CALD1: variants seen among roughly 807,000 people sequenced by gnomAD.
CALD1 encodes the protein caldesmon 1.
A neutral mutation model predicts 99.9 loss-of-function variants in CALD1; 33 were observed. The ratio of observed to expected loss-of-function variants is 0.33; its 90% CI spans 0.25 to 0.44. The LOEUF (loss-of-function observed/expected upper bound fraction) is 0.44. CALD1 is among the 20% of genes least tolerant of loss of function. The probability of loss-of-function intolerance (pLI) is 1.00; values close to 1 mark genes in which losing one functional copy is unlikely to be tolerated. For synonymous variants in CALD1, 310 were observed against 325.0 expected (o/e 0.95, Z 0.50); for missense variants, 861 against 962.1 (o/e 0.89, Z 1.39).
the CALD1 span, among the ~76,000 whole-genome samples, chr7:134,738,695 T>C: frequency 6.6e-6 from 1 of 152,210 alleles, no homozygotes; most frequent in African/African-American, 2.4e-5. Flanking sequence ...TCGCGGCATG[T>C]CAAGATAATT....
At chr7:134,727,705 T>C in the CALD1 span, among the ~76,000 whole-genome samples, 6 of 152,216 alleles carry the variant, frequency 3.9e-5, no homozygotes, top group South Asian at 2.1e-4. Context: ...GTGAATCTCA[T>C]TGGGTTTTTT....
Position 134,943,486 on chromosome 7 carries a change from G to A in CALD1, c.1532+2249G>A, listed in dbSNP as rs973037642. Among the ~76,000 whole-genome samples the A allele has an allele frequency of 1.3e-4, 20 of 152,092 alleles. No individual in the cohort carries two copies. In the East Asian group the frequency reaches 1.7e-3, roughly 13 times the overall value. On this transcript the variant is annotated intron_variant, in intron 7 of 14. Coordinates refer to ENST00000361675, the MANE Select transcript of CALD1 (RefSeq NM_033138.4). ...TGATATCTGCATTTTCTTGTAACTCGTTTTCTCTAAAACATGACATAAAAA... is the reference window on the plus strand; with the variant it reads ...TGATATCTGCATTTTCTTGTAACTCATTTTCTCTAAAACATGACATAAAAA...
rs554791525 is a variant in CALD1, at chr7:134,929,724, TATTTTTGCAATTG to T, written c.218+825_218+837del. Among the ~76,000 whole-genome samples, 924 of 135,544 alleles carry T rather than the reference TATTTTTGCAATTG, an allele frequency of 6.8e-3. 9 individuals are homozygous for T. The highest frequency in any genetic ancestry group is 0.024 in the African/African-American group (871 of 36,234). The allele number at this position is 135,544 out of a possible 152,430, so 88.9% of individuals were successfully genotyped here. A position where few individuals can be genotyped will look rare whatever the true frequency, so the allele number is the denominator to read the frequency against. The stretch of plus-strand genomic sequence containing the variant: ...TTGATGGGCATTTAAGCTGCTTCCA[TATTTTTGCAATTG>T]CAAATTGTGCTTCTATAAACATGCG... On this transcript the variant is annotated intron_variant, in intron 4 of 14. Coordinates refer to ENST00000361675, the MANE Select transcript of CALD1 (RefSeq NM_033138.4).
chr7:134,905,274 G>A (rs559665349), intron 3 of CALD1, among the ~76,000 whole-genome samples: 1 of 152,172 alleles, frequency 6.6e-6, no homozygotes, highest in South Asian at 2.1e-4. Context: ...TAAAAATGGT[G>A]AACATTCATA....
intron 6 of CALD1, among the ~76,000 whole-genome samples, chr7:134,939,625 A>C (rs1489801880): frequency 6.6e-6 from 1 of 152,198 alleles, no homozygotes; most frequent in Admixed American, 6.5e-5. Flanking sequence ...AAATGACTTA[A>C]AACTTATCAA....
chr7:134,811,129 A>G (rs1403853209), intron 1 of CALD1, among the ~76,000 whole-genome samples: 3 of 152,212 alleles, frequency 2.0e-5, no homozygotes, highest in Admixed American at 6.5e-5. Context: ...CTTCATTAAA[A>G]GGCAAGAACA....
intron 3 of CALD1, chr7:134,891,694 T>G: frequency 1.3e-6 from 2 of 1,502,938 alleles, no homozygotes; most frequent in Non-Finnish European, 1.8e-6. Context: ...ATTTCGTCTC[T>G]TTGGTTTTTT....
chr7:134,851,903 A>T (rs1800098162), intron 2 of CALD1, among the ~76,000 whole-genome samples: 1 of 152,202 alleles, frequency 6.6e-6, no homozygotes, highest in Admixed American at 6.5e-5. Context: ...AGCACAAAGG[A>T]TCACAGCTGT....
chr7:134,759,752 A>C (rs1386890128), intron 1 of CALD1, among the ~76,000 whole-genome samples: 2 of 152,246 alleles, frequency 1.3e-5, no homozygotes, highest in Non-Finnish European at 2.9e-5. Context: ...GCTGGGGATA[A>C]AGCAACAAAT....
At chr7:134,767,697 C>G (rs936692619) in intron 1 of CALD1, among the ~76,000 whole-genome samples, 1 of 152,224 alleles carries the variant, frequency 6.6e-6, no homozygotes, top group African/African-American at 2.4e-5. Flanking sequence ...TAAGCACGTG[C>G]AGACGTGCAG....
At chr7:134,858,673 G>T (rs1157983416) in intron 2 of CALD1, among the ~76,000 whole-genome samples, 1 of 151,944 alleles carries the variant, frequency 6.6e-6, no homozygotes, top group Non-Finnish European at 1.5e-5. Context: ...AGGTTCAAGC[G>T]ATTCTCCTGC....
intron 8 of CALD1, among the ~76,000 whole-genome samples, chr7:134,949,591 C>G (rs1041146169): frequency 6.6e-6 from 1 of 152,150 alleles, no homozygotes; most frequent in Non-Finnish European, 1.5e-5. Flanking sequence ...ATAAAATCAC[C>G]TCTTGTACCA....
At chr7:134,819,221 C>A (rs1798675746) in intron 1 of CALD1, among the ~76,000 whole-genome samples, 1 of 152,154 alleles carries the variant, frequency 6.6e-6, no homozygotes. Flanking sequence ...GAAGCATTCT[C>A]CACTCTATTC....
chr7:134,947,757 A>G lies in CALD1; in HGVS notation c.1782A>G (p.Lys594=), dbSNP rs1807014223. 6.2e-7 allele frequency: 1 copy of G among 1,613,730 alleles called. No individual in the cohort carries two copies. Among genetic ancestry groups the G allele is most frequent in the Non-Finnish European group, 8.5e-7 (1 of 1,179,870 alleles). Residue 594 remains lysine (K), a synonymous_variant, in exon 8 of 15, where the codon AAA becomes AAG. Coordinates refer to ENST00000361675, the MANE Select transcript of CALD1 (RefSeq NM_033138.4). ...QRRKQEEADR[K]LREEEEKRRL... is the part of the protein sequence containing the mutation. The stretch of plus-strand genomic sequence containing the variant: ...GGAAGCAGGAGGAAGCCGATCGAAA[A>G]CTCAGAGAGGAGGTAAGGCGGGCGC...
chr7:134,773,905 T>G (rs1796897132), intron 1 of CALD1, among the ~76,000 whole-genome samples: 1 of 151,976 alleles, frequency 6.6e-6, no homozygotes, highest in Non-Finnish European at 1.5e-5. Context: ...GTGAGGTGGC[T>G]CACGCCTGTA....
At chr7:134,871,828 G>A (rs879822070) in intron 3 of CALD1, among the ~76,000 whole-genome samples, 1 of 152,088 alleles carries the variant, frequency 6.6e-6, no homozygotes, top group Non-Finnish European at 1.5e-5. Context: ...CTTTTACCCG[G>A]TGTTATAACC....
chr7:134,819,201 G>A (rs1408345374), intron 1 of CALD1, among the ~76,000 whole-genome samples: 1 of 152,182 alleles, frequency 6.6e-6, no homozygotes, highest in East Asian at 1.9e-4. Flanking sequence ...GACAGTCTCT[G>A]CGGAATTAAG....
upstream of CALD1, among the ~76,000 whole-genome samples, chr7:134,740,003 A>G (rs1796580244): frequency 6.6e-6 from 1 of 152,098 alleles, no homozygotes; most frequent in Non-Finnish European, 1.5e-5. Context: ...CAAGCATTTC[A>G]GGAACATTTC....
At chr7:134,742,531 G>A (rs1796600767), upstream of CALD1, among the ~76,000 whole-genome samples, 1 of 152,154 alleles carries the variant, frequency 6.6e-6, no homozygotes, top group South Asian at 2.1e-4. Context: ...AGATCTGCTG[G>A]CAGGGGCTGG....
Sources: gnomAD v4.1 joint callset for allele counts (sites outside exome capture counted in the v4.1 genomes callset) on GRCh38, gnomAD v4.1.1 for gene constraint, MANE v1.5 for transcripts, NCBI Gene and HGNC (gene_info 2026-07-23, HGNC 2026-07-21) for gene names.